ZNF736: variants seen among roughly 807,000 people sequenced by gnomAD.
ZNF736 encodes KRAB-containing zinc-finger repressor protein.
ZNF736 carries 6 observed loss-of-function variants against 11.7 expected under a neutral mutation model. The ratio of observed to expected loss-of-function variants is 0.51; its 90% confidence interval spans 0.28 to 1.01. The LOEUF is 1.01. ZNF736 is among the 50% of genes least tolerant of loss of function. The pLI is 0.09. For synonymous variants in ZNF736, 139 were observed against 164.7 expected (o/e 0.84, Z 1.19); for missense variants, 444 against 496.0 (o/e 0.90, Z 1.00).
intron 3 of ZNF736, among the ~76,000 whole-genome samples, chr7:64,346,999 CT>C (rs796855517): frequency 4.9e-4 from 72 of 147,992 alleles, no homozygotes; most frequent in African/African-American, 1.7e-3. Flanking sequence ...TCTGGATATT[CT>C]TTTTTTTCTT....
chr7:64,316,239 C>G (rs567109731), intron 1 of ZNF736, among the ~76,000 whole-genome samples: 1 of 152,238 alleles, frequency 6.6e-6, no homozygotes, highest in Non-Finnish European at 1.5e-5. Context: ...TGGATGCCCT[C>G]GTGCTGAGAG....
chr7:64,314,042 C>T lies in ZNF736; in HGVS notation c.-109C>T, dbSNP rs1359590635. 7 of 1,474,684 alleles carry T rather than the reference C, an allele frequency of 4.7e-6. No homozygotes were observed. The highest frequency in any genetic ancestry group is 2.0e-5 in the Admixed American group (1 of 50,894). The allele number at this position is 1,474,684 out of a possible 1,614,324, so 91.3% of individuals were successfully genotyped here. On this transcript the variant is annotated 5_prime_UTR_variant, in exon 1 of 4. Coordinates refer to ENST00000423484, the MANE Select transcript of ZNF736 (RefSeq NM_001170905.3). The stretch of plus-strand genomic sequence containing the variant: ...GTTCGCGTCTCCACTGTTCCATCTC[C>T]TCCGTTCCTGGAGTTCCTCGGTGAC...
rs1324272354 is a variant in ZNF736 at position 64,348,776 on chromosome 7, A to G, written c.913A>G (p.Ile305Val). Residue 305 changes from isoleucine to valine, a missense_variant, in exon 4 of 4, where the codon ATA (isoleucine) becomes GTA (valine). Ile to Val is a conservative substitution (Grantham distance 29). Transcript: ENST00000423484. ...RWFSDLAKHK[I>V]IHTGDKPYTC... ...GTTCTCAGACCTTGCTAAACATAAG[A>G]TAATTCATACTGGAGACAAACCCTA... 5 of 1,589,700 alleles carry G rather than the reference A, an allele frequency of 3.1e-6. No homozygotes were observed. The highest frequency in any genetic ancestry group is 4.3e-6 in the Non-Finnish European group (5 of 1,167,880).
chr7:64,326,105 T>TA (rs560272333), intron 1 of ZNF736, among the ~76,000 whole-genome samples: 7 of 149,434 alleles, frequency 4.7e-5, no homozygotes, highest in South Asian at 2.1e-4. Context: ...TTTAATTATG[T>TA]AAAAAAAAAA....
intron 1 of ZNF736, among the ~76,000 whole-genome samples, chr7:64,329,752 GACCACT>G (rs200012349): frequency 0.044 from 6,689 of 152,050 alleles, 132 homozygotes; most frequent in Non-Finnish European, 0.048. Context: ...GGCCCACAGT[GACCACT>G]ACCTAGCTAC....
chr7:64,317,359 C>T (rs1788932229), intron 1 of ZNF736, among the ~76,000 whole-genome samples: 1 of 151,960 alleles, frequency 6.6e-6, no homozygotes, highest in Non-Finnish European at 1.5e-5. Flanking sequence ...CATTTTTTTC[C>T]AATAAAATGA....
rs528716629 is a variant in ZNF736 at position 64,333,883 on chromosome 7, A to G, written c.4-2376A>G. 1.3e-4 allele frequency among the ~76,000 whole-genome samples: 20 copies of G among 152,322 alleles called. No homozygotes were observed. In the East Asian group the frequency reaches 2.5e-3, roughly 19 times the overall value. On this transcript the variant is annotated intron_variant, in intron 1 of 3. Transcript: ENST00000423484. ...AAAGCTGGAGGCATCACGCTACCTG[A>G]CTTGAAACTATACTACAAGGCTACA...
In ZNF736 at chr7:64,349,077, C is replaced by T. The variant is rs1026486161; in HGVS notation, c.1214C>T (p.Ala405Val). The part of the protein sequence containing the change: ...KPYKCEECGK[A>V]SSWFSHLIRH... ...TACAAATGTGAAGAATGTGGCAAAG[C>T]ATCGAGCTGGTTCTCACACCTCATC... is the stretch of plus-strand genomic sequence containing the variant. Residue 405 changes from alanine to valine, a missense_variant, in exon 4 of 4, where the codon GCA (alanine) becomes GTA (valine). Physicochemically the swap from Ala to Val is moderately conservative, Grantham distance 64. Coordinates refer to ENST00000423484, the MANE Select transcript of ZNF736 (RefSeq NM_001170905.3). 1 of 1,602,828 alleles carries T rather than the reference C, an allele frequency of 6.2e-7. No homozygotes were observed. The highest frequency in any genetic ancestry group is 1.3e-5 in the African/African-American group (1 of 74,624).
intron 1 of ZNF736, among the ~76,000 whole-genome samples, 183 bp downstream of exon 1, chr7:64,314,336 A>G (rs1326261914): frequency 6.6e-6 from 1 of 152,144 alleles, no homozygotes; most frequent in African/African-American, 2.4e-5. Context: ...GCCAGCAGCC[A>G]AAACGCTACG....
chr7:64,329,932 T>C (rs1347922747), intron 1 of ZNF736, among the ~76,000 whole-genome samples: 1 of 152,212 alleles, frequency 6.6e-6, no homozygotes, highest in Non-Finnish European at 1.5e-5. Flanking sequence ...TGGTGCTCTA[T>C]TCTGTTGTGG....
intron 3 of ZNF736, among the ~76,000 whole-genome samples, chr7:64,338,153 T>C (rs1272089360): frequency 6.6e-6 from 1 of 152,214 alleles, no homozygotes; most frequent in African/African-American, 2.4e-5. Context: ...GTGTCATTCA[T>C]ATGTATATAT....
chr7:64,317,266 G>A (rs964507626), intron 1 of ZNF736, among the ~76,000 whole-genome samples: 1 of 152,068 alleles, frequency 6.6e-6, no homozygotes, highest in African/African-American at 2.4e-5. Flanking sequence ...GGATGTAACA[G>A]TTTTATCAGT....
rs1254166621 is a variant in ZNF736 at position 64,354,918 on chromosome 7, G to GA, written c.*5772dup. The GA allele has an allele frequency of 1.3e-5, 2 of 152,094 alleles. No homozygotes were observed. Among genetic ancestry groups the GA allele is most frequent in the Non-Finnish European group, 2.9e-5 (2 of 68,016 alleles). The allele number at this position is 152,094 out of a possible 1,614,324, so 9.4% of individuals were successfully genotyped here. On this transcript the variant is annotated 3_prime_UTR_variant, in exon 4 of 4. Coordinates refer to ENST00000423484, the MANE Select transcript of ZNF736 (RefSeq NM_001170905.3). ...TTGGCATATACATGAAGTAAACAAA[G>GA]ACAATACTAGCTATGTAATAGAAGC...
rs1486792856 is a variant in ZNF736, at chr7:64,349,834, T to G, written c.*687T>G. The G allele has an allele frequency of 6.6e-6, 1 of 152,330 alleles. No individual in the cohort carries two copies. Among genetic ancestry groups the G allele is most frequent in the Admixed American group, 6.5e-5 (1 of 15,296 alleles). 9.4% of individuals were successfully genotyped at this position (152,330 alleles called of 1,614,324 possible). A position where few individuals can be genotyped will look rare whatever the true frequency, so the allele number is the denominator to read the frequency against. ...TTCTGAAGCTTACCTTGGTCAGATA[T>G]GAAATTCTGTGTTGGAATTCTTTTT... On this transcript the variant is annotated 3_prime_UTR_variant, in exon 4 of 4. Transcript: ENST00000423484.
At chr7:64,336,142 C>T (rs1789245187) in intron 1 of ZNF736, 117 bp from the exon 2 acceptor site, 9 of 1,167,058 alleles carry the variant, frequency 7.7e-6, no homozygotes, top group Non-Finnish European at 1.1e-5. Context: ...AAGTATCCTA[C>T]TGGATAACTC....
At chr7:64,323,051 T>C (rs1289051507) in intron 1 of ZNF736, among the ~76,000 whole-genome samples, 1 of 152,176 alleles carries the variant, frequency 6.6e-6, no homozygotes, top group African/African-American at 2.4e-5. Context: ...TTTTTCCTTA[T>C]CTTGCCTGGT....
intron 1 of ZNF736, among the ~76,000 whole-genome samples, chr7:64,317,899 C>G (rs1272841001): frequency 6.6e-6 from 1 of 151,812 alleles, no homozygotes; most frequent in Non-Finnish European, 1.5e-5. Flanking sequence ...TTAAGAAAAA[C>G]CACATTCTCA....
In ZNF736 at chr7:64,333,814, A is replaced by C. The variant is rs192342098; in HGVS notation, c.4-2445A>C. ...AATACTTTAAATTTTATATGGAACC[A>C]AAAAAGAGCCCATATAGTCAACACA... On this transcript the variant is annotated intron_variant, in intron 1 of 3. Transcript: ENST00000423484. Among the ~76,000 whole-genome samples the C allele has an allele frequency of 3.8e-3, 578 of 152,302 alleles. 3 individuals are homozygous for C. Among genetic ancestry groups the C allele is most frequent in the African/African-American group, 0.012 (506 of 41,568 alleles).
In ZNF736 at chr7:64,352,925, G is replaced by C. The variant is rs1789509494; in HGVS notation, c.*3778G>C. On this transcript the variant is annotated 3_prime_UTR_variant, in exon 4 of 4. Coordinates refer to ENST00000423484, the MANE Select transcript of ZNF736 (RefSeq NM_001170905.3). The stretch of plus-strand genomic sequence containing the variant: ...TACCACGTGAGGCATTGTTGAAGTG[G>C]GTCCTACAGACCATCACTATCAGCC... The C allele has an allele frequency of 6.6e-6, 1 of 152,178 alleles. No homozygotes were observed. The highest frequency in any genetic ancestry group is 2.4e-5 in the African/African-American group (1 of 41,394). 9.4% of individuals were successfully genotyped at this position (152,178 alleles called of 1,614,324 possible).
Sources: allele counts gnomAD v4.1 joint callset (sites outside exome capture counted in the v4.1 genomes callset), GRCh38; gene constraint gnomAD v4.1.1; transcripts MANE v1.5; gene names NCBI Gene and HGNC (gene_info 2026-07-23, HGNC 2026-07-21).